The following ADK variants were observed in gnomAD, a reference collection of about 807,000 sequenced individuals.
ADK encodes N6,N6-dimethyladenosine kinase.
A neutral mutation model predicts 44.7 loss-of-function variants in ADK; 24 were observed. The observed-to-expected ratio is 0.54, with a 90% CI of 0.39 to 0.76. ADK has a LOEUF of 0.76. Ranked by LOEUF, ADK falls within the 30% of genes least tolerant of loss-of-function variation. The probability of loss-of-function intolerance (pLI) is 0.00; values close to 1 mark genes in which losing one functional copy is unlikely to be tolerated. For missense variants in ADK, 321 were observed against 425.1 expected, an observed-to-expected ratio of 0.76 and a Z score of 2.15; for synonymous variants, 128 against 142.6, an observed-to-expected ratio of 0.90 and a Z score of 0.73.
At chr10:74,159,634 C>T (rs1194586444) in intron 1 of ADK, among the ~76,000 whole-genome samples, 1 of 151,982 alleles carries the variant, frequency 6.6e-6, no homozygotes, top group African/African-American at 2.4e-5. Flanking sequence ...GATCTGTCAC[C>T]CAGGCTGGAG....
intron 4 of ADK, among the ~76,000 whole-genome samples, chr10:74,356,059 C>T (rs1036678762): frequency 6.1e-5 from 8 of 131,638 alleles, no homozygotes; most frequent in Admixed American, 2.6e-4. Flanking sequence ...TCGCCCAGGC[C>T]GGACTGCGGA....
At chr10:74,582,627 T>G (rs1040200483) in intron 7 of ADK, among the ~76,000 whole-genome samples, 76 of 152,340 alleles carry the variant, frequency 5.0e-4, no homozygotes, top group African/African-American at 1.6e-3. Context: ...TTTATTTTTT[T>G]GCCTGTGTTT....
chr10:74,417,972 T>C (rs1844432104), intron 6 of ADK, among the ~76,000 whole-genome samples: 3 of 152,168 alleles, frequency 2.0e-5, no homozygotes, highest in Admixed American at 2.0e-4. Flanking sequence ...CTCATTCTGT[T>C]ATCTCATAGC....
intron 3 of ADK, among the ~76,000 whole-genome samples, chr10:74,248,241 T>C (rs890936663): frequency 2.0e-5 from 3 of 152,236 alleles, no homozygotes; most frequent in Admixed American, 2.0e-4. Flanking sequence ...TCAGCTTGTT[T>C]GGAAGTAGTG....
At chr10:74,456,896 C>T (rs1487914213) in intron 6 of ADK, among the ~76,000 whole-genome samples, 2 of 151,996 alleles carry the variant, frequency 1.3e-5, no homozygotes, top group East Asian at 3.9e-4. Flanking sequence ...CTAAAATGGA[C>T]ACACTAACAT....
At chr10:74,601,918 T>G in intron 9 of ADK, among the ~76,000 whole-genome samples, 1 of 135,588 alleles carries the variant, frequency 7.4e-6, no homozygotes, top group Non-Finnish European at 1.5e-5. Context: ...CAGCAAGACT[T>G]CATCTCTACA....
intron 1 of ADK, among the ~76,000 whole-genome samples, chr10:74,154,722 C>T (rs1841702759): frequency 6.6e-6 from 1 of 152,200 alleles, no homozygotes; most frequent in South Asian, 2.1e-4. Flanking sequence ...CCAGTAACCT[C>T]CTTTACTCCA....
intron 10 of ADK, among the ~76,000 whole-genome samples, chr10:74,703,142 T>C (rs1348303793): frequency 6.6e-6 from 1 of 151,904 alleles, no homozygotes; most frequent in African/African-American, 2.4e-5. Flanking sequence ...ATTAGACAAA[T>C]CCAAAATTAG....
chr10:74,332,103 C>T (rs892770130), intron 4 of ADK, among the ~76,000 whole-genome samples: 11 of 152,308 alleles, frequency 7.2e-5, no homozygotes, highest in Middle Eastern at 3.4e-3. Context: ...AGTGATCCAC[C>T]CACCTAGGCC....
chr10:74,444,821 A>G (rs1292682881), intron 6 of ADK, among the ~76,000 whole-genome samples: 1 of 151,896 alleles, frequency 6.6e-6, no homozygotes, highest in African/African-American at 2.4e-5. Flanking sequence ...TTTTTTTCCC[A>G]TAATGGTTCA....
chr10:74,428,406 A>G (rs1844873681), intron 6 of ADK, among the ~76,000 whole-genome samples: 1 of 152,210 alleles, frequency 6.6e-6, no homozygotes, highest in Non-Finnish European at 1.5e-5. Context: ...TTGTTTGTTA[A>G]GTATACAGAA....
intron 9 of ADK, among the ~76,000 whole-genome samples, chr10:74,643,788 C>T (rs992736662): frequency 1.4e-4 from 21 of 152,310 alleles, no homozygotes; most frequent in Non-Finnish European, 2.8e-4. Flanking sequence ...TATTTATCTT[C>T]ATCTAAGTTT....
chr10:74,176,031 G>A (rs1015138211), intron 1 of ADK, among the ~76,000 whole-genome samples: 7 of 151,978 alleles, frequency 4.6e-5, no homozygotes, highest in Non-Finnish European at 7.4e-5. Context: ...AGGTAATTGT[G>A]TCAAATAGGA....
intron 6 of ADK, among the ~76,000 whole-genome samples, chr10:74,439,271 A>G (rs1845308962): frequency 6.6e-6 from 1 of 152,154 alleles, no homozygotes; most frequent in Non-Finnish European, 1.5e-5. Flanking sequence ...AGCTTTCAAC[A>G]TCTTTTTCAG....
intron 4 of ADK, chr10:74,372,064 T>C (rs1842677804): frequency 1.3e-6 from 1 of 758,964 alleles, no homozygotes; most frequent in African/African-American, 1.7e-5. Context: ...ATGTGGTGGA[T>C]GCCAGCCCGG....
intron 1 of ADK, among the ~76,000 whole-genome samples, chr10:74,160,019 A>G (rs942216969): frequency 6.6e-6 from 1 of 152,232 alleles, no homozygotes; most frequent in Non-Finnish European, 1.5e-5. Context: ...CTCCAAGCCA[A>G]AATCTCATGA....
chr10:74,324,044 A>G (rs1840918043), intron 4 of ADK, among the ~76,000 whole-genome samples: 1 of 151,708 alleles, frequency 6.6e-6, no homozygotes, highest in African/African-American at 2.4e-5. Flanking sequence ...ATTTTTGGAG[A>G]TGGCATCTTG....
intron 3 of ADK, among the ~76,000 whole-genome samples, chr10:74,278,366 T>TAA (rs56769018): frequency 3.1e-4 from 35 of 113,886 alleles, no homozygotes; most frequent in Admixed American, 4.8e-4. Context: ...AAAAAAAAAT[T>TAA]AAAAAAAAAA....
At chr10:74,466,976 T>C (rs560613398) in intron 6 of ADK, among the ~76,000 whole-genome samples, 26 of 152,296 alleles carry the variant, frequency 1.7e-4, no homozygotes, top group Admixed American at 1.4e-3. Flanking sequence ...AATTAATGTA[T>C]ATATACATGT....
Sources: gnomAD v4.1 joint callset for allele counts (sites outside exome capture counted in the v4.1 genomes callset) on GRCh38, gnomAD v4.1.1 for gene constraint, MANE v1.5 for transcripts, NCBI Gene and HGNC (gene_info 2026-07-23, HGNC 2026-07-21) for gene names.